C3orf20: variants seen among roughly 807,000 people sequenced by gnomAD.
C3orf20 encodes uncharacterized protein C3orf20.
C3orf20 carries 76 observed loss-of-function variants against 88.3 expected under a neutral mutation model. The observed-to-expected ratio is 0.86, with a 90% CI of 0.72 to 1.04. The LOEUF (loss-of-function observed/expected upper bound fraction) is 1.04, where lower values mean the gene tolerates loss of function less well. C3orf20 is among the 50% of genes least tolerant of loss of function. The pLI is 0.00. For missense variants in C3orf20, 1,056 were observed against 1,123.3 expected (o/e 0.94, Z 0.86); for synonymous variants, 436 against 437.4 (o/e 1.00, Z 0.04).
intron 1 of C3orf20, among the ~76,000 whole-genome samples, chr3:14,681,663 T>A (rs1476581665): frequency 6.6e-6 from 1 of 152,194 alleles, no homozygotes; most frequent in Non-Finnish European, 1.5e-5. Flanking sequence ...AAGAAACAAA[T>A]CATTTTTGTG....
intron 10 of C3orf20, among the ~76,000 whole-genome samples, chr3:14,725,803 G>A (rs1030128190): frequency 3.3e-5 from 5 of 151,528 alleles, no homozygotes; most frequent in South Asian, 2.1e-4. Flanking sequence ...TCTATGTTAC[G>A]TGGGAGATGT....
chr3:14,714,100 C>T lies in C3orf20; in HGVS notation c.1254C>T (p.Ser418=). 6.2e-7 allele frequency: 1 copy of T among 1,614,104 alleles called. No homozygotes were observed. The highest frequency in any genetic ancestry group is 1.1e-5 in the South Asian group (1 of 91,082). ...TCTTTAATGACATACCTGGATTCTC[C>T]TTGCTGGCCCTATTCAATACTGAAG... ...TCLFNDIPGF[S]LLALFNTEGQ... is the part of the protein sequence containing the mutation. Residue 418 remains serine, a synonymous_variant, in exon 8 of 17, where the codon TCC becomes TCT. Transcript: ENST00000253697.
chr3:14,679,630 A>G (rs1213992912), intron 1 of C3orf20, among the ~76,000 whole-genome samples: 1 of 152,060 alleles, frequency 6.6e-6, no homozygotes, highest in African/African-American at 2.4e-5. Flanking sequence ...AAGAAGGACT[A>G]GAGAGGTCAG....
Position 14,704,529 on chromosome 3 carries a change from T to A in C3orf20, c.1071T>A (p.His357Gln). ...CCTCTCACCCATCTTCTGCCAACCA[T>A]CATTTCAGTCAGCATTGTCAAGAGG... ...SPTSHPSSAN[H>Q]HFSQHCQEGK... Residue 357 changes from histidine to glutamine, a missense_variant, in exon 7 of 17, where the codon CAT (histidine) becomes CAA (glutamine). Coordinates refer to ENST00000253697, the MANE Select transcript of C3orf20 (RefSeq NM_032137.5). The A allele has an allele frequency of 6.2e-7, 1 of 1,614,084 alleles. No individual in the cohort carries two copies. The highest frequency in any genetic ancestry group is 8.5e-7 in the Non-Finnish European group (1 of 1,180,012).
chr3:14,762,299 G>C (rs1437981434), intron 15 of C3orf20, among the ~76,000 whole-genome samples: 1 of 152,216 alleles, frequency 6.6e-6, no homozygotes, highest in Non-Finnish European at 1.5e-5. Context: ...TTTCAACCAG[G>C]TGATGCCAAC....
rs2034439015 is a variant in C3orf20 at position 14,728,562 on chromosome 3, T to C, written c.1814T>C (p.Leu605Ser). 1 of 1,614,116 alleles carries C rather than the reference T, an allele frequency of 6.2e-7. No individual in the cohort carries two copies. The highest frequency in any genetic ancestry group is 8.5e-7 in the Non-Finnish European group (1 of 1,180,058). The change falls in exon 12 of 17, where the codon TTA (leucine) becomes TCA (serine). Residue 605 changes from leucine to serine, a missense_variant. Transcript: ENST00000253697. ...AGTTTATACTCAGGAGAAAGTCTTT[T>C]ACGATCTCAGTCAGGCCACCTGGAA... ...KLSLYSGESL[L>S]RSQSGHLESS... is the part of the protein sequence containing the mutation.
intron 15 of C3orf20, among the ~76,000 whole-genome samples, chr3:14,771,742 T>C (rs1441006465): frequency 6.6e-6 from 1 of 150,686 alleles, no homozygotes; most frequent in Non-Finnish European, 1.5e-5. Context: ...CCACACATGA[T>C]GACACATTTC....
chr3:14,680,490 C>T (rs1014911550), intron 1 of C3orf20, among the ~76,000 whole-genome samples: 1 of 151,866 alleles, frequency 6.6e-6, no homozygotes, highest in Admixed American at 6.6e-5. Context: ...CGAATGGTTG[C>T]CTGAGGGTGA....
Position 14,727,058 on chromosome 3 carries a change from T to C in C3orf20, c.1690+34T>C, listed in dbSNP as rs1044728728. On this transcript the variant is annotated intron_variant, in intron 11 of 16. Coordinates refer to ENST00000253697, the MANE Select transcript of C3orf20 (RefSeq NM_032137.5). ...GCTGAAAGGTGGGCGAAGGCCTATCTGTTGGCTTCCCCAGTCCTGAGATTC... is the reference window on the plus strand; with the variant it reads ...GCTGAAAGGTGGGCGAAGGCCTATCCGTTGGCTTCCCCAGTCCTGAGATTC... 4 of 1,613,080 alleles carry C rather than the reference T, an allele frequency of 2.5e-6. No individual in the cohort carries two copies. The African/African-American group carries it at 4.0e-5, about 16-fold the overall frequency.
intron 12 of C3orf20, among the ~76,000 whole-genome samples, chr3:14,743,625 T>C (rs2034978977): frequency 6.6e-6 from 1 of 151,842 alleles, no homozygotes; most frequent in Non-Finnish European, 1.5e-5. Context: ...CTAGCAGAGG[T>C]TCTTCATGAG....
chr3:14,703,030 TC>T, intron 5 of C3orf20, 99 bp from the exon 6 acceptor site: 1 of 1,374,970 alleles, frequency 7.3e-7, no homozygotes, highest in East Asian at 2.3e-5. Context: ...TCCAAAATGA[TC>T]TCCTTTGACT....
chr3:14,688,072 ACACT>A (rs2032521804), intron 4 of C3orf20, among the ~76,000 whole-genome samples: 1 of 152,172 alleles, frequency 6.6e-6, no homozygotes, highest in Non-Finnish European at 1.5e-5. Flanking sequence ...TTTTGGAAAA[ACACT>A]CATTCATCCT....
At chr3:14,727,079 G>T in intron 11 of C3orf20, 55 bp downstream of exon 11, 1 of 1,600,578 alleles carries the variant, frequency 6.2e-7, no homozygotes, top group East Asian at 2.2e-5. Flanking sequence ...CCAGTCCTGA[G>T]ATTCTGGCAG....
chr3:14,676,665 T>C (rs1004562901), intron 1 of C3orf20, among the ~76,000 whole-genome samples: 1 of 152,198 alleles, frequency 6.6e-6, no homozygotes, highest in African/African-American at 2.4e-5. Flanking sequence ...GCCACTTTCA[T>C]AAGCAGGAAA....
At chr3:14,761,396 A>C in intron 14 of C3orf20, 77 bp from the exon 15 acceptor site, 3 of 1,567,908 alleles carry the variant, frequency 1.9e-6, no homozygotes, top group Non-Finnish European at 2.6e-6. Context: ...GTGAAATTCC[A>C]AACTTGCCTG....
chr3:14,687,401 T>C (rs1376360969), intron 4 of C3orf20, among the ~76,000 whole-genome samples: 1 of 152,186 alleles, frequency 6.6e-6, no homozygotes, highest in African/African-American at 2.4e-5. Context: ...GAAATGAAGA[T>C]CTCTGTTTTA....
At chr3:14,717,237 C>T (rs1377591527) in intron 9 of C3orf20, among the ~76,000 whole-genome samples, 1 of 152,142 alleles carries the variant, frequency 6.6e-6, no homozygotes, top group African/African-American at 2.4e-5. Context: ...AATGACATAG[C>T]GGAGGGAAAA....
intron 15 of C3orf20, chr3:14,764,912 C>T (rs2035662535): frequency 6.6e-6 from 1 of 152,434 alleles, no homozygotes; most frequent in Non-Finnish European, 1.5e-5. Flanking sequence ...TAGACACCAC[C>T]TCTTGATGGG....
rs781622662 is a variant in C3orf20 at position 14,685,508 on chromosome 3, GTGTA to G, written c.625+1130_625+1133del. On this transcript the variant is annotated intron_variant, in intron 4 of 16. Transcript: ENST00000253697. ...TGCGTGCGTGCGTGTGTGTGTGTGT[GTGTA>G]TGTGTGTTAAGAACACAAAATCTAC... 7.5e-3 allele frequency among the ~76,000 whole-genome samples: 1,135 copies of G among 150,882 alleles called. 15 individuals carry two copies. The highest frequency in any genetic ancestry group is 0.024 in the African/African-American group (962 of 40,846).
Sources: gnomAD v4.1 joint callset for allele counts (sites outside exome capture counted in the v4.1 genomes callset) on GRCh38, gnomAD v4.1.1 for gene constraint, MANE v1.5 for transcripts, NCBI Gene and HGNC (gene_info 2026-07-23, HGNC 2026-07-21) for gene names.